The following TRAPPC8 variants were observed in gnomAD, a reference collection of about 807,000 sequenced individuals.
TRAPPC8 encodes the protein general sporulation gene 1 homolog.
In TRAPPC8, 54 loss-of-function variants were observed where a neutral mutation model predicts 174.3. That is an observed-to-expected ratio of 0.31 (90% confidence interval 0.25 to 0.39). The LOEUF (loss-of-function observed/expected upper bound fraction) is 0.39. Ranked by LOEUF, TRAPPC8 falls within the 10% of genes least tolerant of loss-of-function variation. The pLI is 1.00. For missense variants in TRAPPC8, 1,531 were observed against 1,699.1 expected (o/e 0.90, Z 1.74); for synonymous variants, 630 against 579.9 (o/e 1.09, Z -1.24).
At chr18:31,914,210 T>C (rs192583396) in intron 4 of TRAPPC8, among the ~76,000 whole-genome samples, 87 of 112,712 alleles carry the variant, frequency 7.7e-4, no homozygotes, top group African/African-American at 2.0e-3. Context: ...CAAATGTAAA[T>C]ACTAATACTA....
chr18:31,897,650 G>T, intron 11 of TRAPPC8, 136 bp downstream of exon 11: 1 of 510,908 alleles, frequency 2.0e-6, no homozygotes, highest in Non-Finnish European at 3.2e-6. Context: ...AACTAAAATA[G>T]CCATGTTGTA....
intron 12 of TRAPPC8, among the ~76,000 whole-genome samples, chr18:31,876,977 C>G (rs541781138): frequency 6.6e-6 from 1 of 152,324 alleles, no homozygotes; most frequent in African/African-American, 2.4e-5. Context: ...AGATCCCTAA[C>G]ATATTCACAA....
chr18:31,913,030 A>G (rs1213863309), intron 5 of TRAPPC8, among the ~76,000 whole-genome samples: 1 of 151,954 alleles, frequency 6.6e-6, no homozygotes, highest in African/African-American at 2.4e-5. Context: ...TGGGAGGCTG[A>G]GGCAGGGGAA....
chr18:31,917,222 G>A (rs1048556251), intron 3 of TRAPPC8, among the ~76,000 whole-genome samples: 1 of 151,996 alleles, frequency 6.6e-6, no homozygotes, highest in Non-Finnish European at 1.5e-5. Context: ...CTTAGGATAA[G>A]CAGTCAATTC....
chr18:31,914,305 T>C lies in TRAPPC8; in HGVS notation c.618-783A>G, dbSNP rs1385502135. ...GATAAGTAAAATAGTTATAGAAAAT[T>C]TGTATAAATGCAGATGCATGTGTGT... On this transcript the variant is annotated intron_variant, in intron 4 of 28. Transcript: ENST00000283351. Among the ~76,000 whole-genome samples, 19 of 152,178 alleles carry C rather than the reference T, an allele frequency of 1.2e-4. No homozygotes were observed. The East Asian group carries it at 3.7e-3, about 29-fold the overall frequency.
intron 4 of TRAPPC8, among the ~76,000 whole-genome samples, chr18:31,914,539 C>T (rs1268101749): frequency 6.6e-6 from 1 of 152,152 alleles, no homozygotes; most frequent in East Asian, 1.9e-4. Flanking sequence ...AGTAGTACAC[C>T]TTATCCAACG....
At chr18:31,854,008 G>T in intron 21 of TRAPPC8, 63 bp from the exon 22 acceptor site, 1 of 1,312,394 alleles carries the variant, frequency 7.6e-7, no homozygotes, top group Non-Finnish European at 1.1e-6. Context: ...ATGTTCCGAT[G>T]AGAATAAAAT....
chr18:31,913,005 G>A (rs566519986), intron 5 of TRAPPC8, among the ~76,000 whole-genome samples: 2 of 152,110 alleles, frequency 1.3e-5, no homozygotes, highest in South Asian at 2.1e-4. Context: ...GCATGTGCCT[G>A]TAATCCCATG....
intron 20 of TRAPPC8, among the ~76,000 whole-genome samples, chr18:31,857,101 T>C (rs2034062148): frequency 6.6e-6 from 1 of 152,212 alleles, no homozygotes; most frequent in Admixed American, 6.5e-5. Flanking sequence ...TGTAAATATG[T>C]ACTGTTTTTC....
At chr18:31,921,967 T>C (rs1430389259) in intron 2 of TRAPPC8, among the ~76,000 whole-genome samples, 1 of 152,206 alleles carries the variant, frequency 6.6e-6, no homozygotes, top group Non-Finnish European at 1.5e-5. Flanking sequence ...CTATATTACA[T>C]GAGTGCTTCT....
chr18:31,931,144 T>C (rs773182514), intron 2 of TRAPPC8, among the ~76,000 whole-genome samples, 185 bp downstream of exon 2: 5 of 152,236 alleles, frequency 3.3e-5, no homozygotes, highest in Non-Finnish European at 7.3e-5. Context: ...ATGTTCTAGA[T>C]ACTACTTTAG....
rs1007533486 is a variant in TRAPPC8, at chr18:31,942,880, G to A, written c.-116C>T. The A allele has an allele frequency of 2.4e-6, 3 of 1,253,956 alleles. No homozygotes were observed. Among genetic ancestry groups the A allele is most frequent in the Admixed American group, 4.2e-5 (1 of 23,718 alleles). 77.7% of individuals were successfully genotyped at this position (1,253,956 alleles called of 1,614,324 possible). A position where few individuals can be genotyped will look rare whatever the true frequency, so the allele number is the denominator to read the frequency against. ...GCCTGGCCCGGCCGGGCGGGGCCCC[G>A]AACGCACTGGAGCCTAGAAACAAGA... On this transcript the variant is annotated 5_prime_UTR_variant, in exon 1 of 29. Transcript: ENST00000283351.
At chr18:31,883,923 T>C (rs1333616451) in intron 12 of TRAPPC8, among the ~76,000 whole-genome samples, 2 of 152,214 alleles carry the variant, frequency 1.3e-5, no homozygotes, top group Admixed American at 6.5e-5. Flanking sequence ...GCGTGGTGAC[T>C]TACACCTGTA....
At chr18:31,934,706 A>G (rs1008366972) in intron 1 of TRAPPC8, among the ~76,000 whole-genome samples, 11 of 152,020 alleles carry the variant, frequency 7.2e-5, no homozygotes, top group Admixed American at 7.2e-4. Flanking sequence ...CGTCTCTACT[A>G]AAAATACAAA....
chr18:31,914,376 T>A (rs2037046527), intron 4 of TRAPPC8, among the ~76,000 whole-genome samples: 1 of 152,236 alleles, frequency 6.6e-6, no homozygotes, highest in East Asian at 1.9e-4. Context: ...CTCACGTTAC[T>A]AATGATACTG....
intron 12 of TRAPPC8, among the ~76,000 whole-genome samples, chr18:31,880,091 ATATATATAT>A (rs1365468423): frequency 1.6e-4 from 11 of 70,246 alleles, no homozygotes; most frequent in African/African-American, 4.8e-4. Context: ...GAAAAAAAAA[ATATATATAT>A]ATATATATAT....
intron 14 of TRAPPC8, among the ~76,000 whole-genome samples, chr18:31,872,779 A>C (rs947669125): frequency 2.6e-5 from 4 of 152,162 alleles, no homozygotes; most frequent in Non-Finnish European, 5.9e-5. Flanking sequence ...GTGGATGTTA[A>C]AATAAAGTAC....
chr18:31,880,090 AATATATAT>A (rs1246506445), intron 12 of TRAPPC8, among the ~76,000 whole-genome samples: 6 of 85,356 alleles, frequency 7.0e-5, no homozygotes, highest in South Asian at 5.0e-4. Context: ...TGAAAAAAAA[AATATATAT>A]ATATATATAT....
intron 5 of TRAPPC8, among the ~76,000 whole-genome samples, chr18:31,910,785 T>G (rs1424568016): frequency 2.6e-5 from 4 of 152,242 alleles, no homozygotes; most frequent in Non-Finnish European, 2.9e-5. Context: ...CATAGATTTC[T>G]GATATTTCTG....
Sources: allele counts gnomAD v4.1 joint callset (sites outside exome capture counted in the v4.1 genomes callset), GRCh38; gene constraint gnomAD v4.1.1; transcripts MANE v1.5; gene names NCBI Gene and HGNC (gene_info 2026-07-23, HGNC 2026-07-21).